The following COG5 variants were observed in gnomAD, a reference collection of about 807,000 sequenced individuals.
COG5 encodes component of oligomeric golgi complex 5, also known as conserved oligomeric Golgi complex subunit 5.
COG5 carries 86 observed loss-of-function variants against 110.4 expected under a neutral mutation model. The ratio of observed to expected loss-of-function variants is 0.78; its 90% CI spans 0.65 to 0.93. The LOEUF (loss-of-function observed/expected upper bound fraction) is 0.93, where lower values mean the gene tolerates loss of function less well. Among genes scored for constraint, COG5 ranks in the 40% least tolerant of loss-of-function variants. The probability of loss-of-function intolerance (pLI) is 0.00; values close to 1 mark genes in which losing one functional copy is unlikely to be tolerated. For synonymous variants in COG5, 360 were observed against 334.6 expected, an observed-to-expected ratio of 1.08 and a Z score of -0.83; for missense variants, 1,077 against 987.0, an observed-to-expected ratio of 1.09 and a Z score of -1.22.
At chr7:107,354,166 A>G (rs1388392047) in intron 10 of COG5, among the ~76,000 whole-genome samples, 1 of 152,214 alleles carries the variant, frequency 6.6e-6, no homozygotes, top group Admixed American at 6.5e-5. Context: ...AAAGTGAGAC[A>G]TATGATTTGA....
At chr7:107,337,678 G>A (rs1424626311) in intron 10 of COG5, among the ~76,000 whole-genome samples, 1 of 152,014 alleles carries the variant, frequency 6.6e-6, no homozygotes, top group Non-Finnish European at 1.5e-5. Context: ...GAGAAAGTGG[G>A]GGTTGGTAAA....
At chr7:107,481,928 C>T (rs1309918804) in intron 6 of COG5, among the ~76,000 whole-genome samples, 1 of 152,112 alleles carries the variant, frequency 6.6e-6, no homozygotes, top group Non-Finnish European at 1.5e-5. Flanking sequence ...CTGATACATA[C>T]TGACTGGTAA....
At position 107,474,542 on chromosome 7, in the gene COG5, T is replaced by G. The variant is rs777636418; in HGVS notation, c.538+52695A>C. 2 of 1,611,594 alleles carry G rather than the reference T, an allele frequency of 1.2e-6. No homozygotes were observed. Among genetic ancestry groups the G allele is most frequent in the Non-Finnish European group, 8.5e-7 (1 of 1,178,240 alleles). ...ACAATGGGCAGAGCTGTAATGTTAA[T>G]GATATCCATTTGGATTTTTTCTTTT... On this transcript the variant is annotated intron_variant, in intron 6 of 21. Transcript: ENST00000297135. This position sits in a 1 kb window ranked among gnomAD's most constrained non-coding sequence, Gnocchi z 5.7.
intron 7 of COG5, among the ~76,000 whole-genome samples, chr7:107,390,833 G>A (rs993150567): frequency 1.3e-5 from 2 of 150,786 alleles, no homozygotes; most frequent in Non-Finnish European, 2.9e-5. Flanking sequence ...AATCAATAAG[G>A]CTTGATACAG....
At chr7:107,219,375 T>A (rs1584534427) in intron 19 of COG5, among the ~76,000 whole-genome samples, 1 of 152,164 alleles carries the variant, frequency 6.6e-6, no homozygotes, top group African/African-American at 2.4e-5. Context: ...GTTGAACAGA[T>A]AGCGCACTTC....
chr7:107,329,281 T>G (rs1810035235), intron 10 of COG5, among the ~76,000 whole-genome samples: 1 of 152,100 alleles, frequency 6.6e-6, no homozygotes, highest in Non-Finnish European at 1.5e-5. Context: ...ACATAGCTGT[T>G]GGAACAAGAA....
chr7:107,486,509 C>T (rs1328359114), intron 6 of COG5, among the ~76,000 whole-genome samples: 1 of 151,902 alleles, frequency 6.6e-6, no homozygotes. Context: ...CTCAAAGACA[C>T]AGTCTTGGAA....
chr7:107,369,805 G>T (rs1813964828), intron 8 of COG5, among the ~76,000 whole-genome samples: 1 of 152,138 alleles, frequency 6.6e-6, no homozygotes, highest in African/African-American at 2.4e-5. Flanking sequence ...ATAAAATTGA[G>T]TAAAGTGAAT....
At chr7:107,225,609 G>A (rs1435313045) in intron 19 of COG5, among the ~76,000 whole-genome samples, 2 of 152,144 alleles carry the variant, frequency 1.3e-5, no homozygotes. Context: ...TGACCTCCCT[G>A]AGCTCAGGTC....
chr7:107,507,469 A>ATTTTTTTTTT (rs10577186), intron 6 of COG5, among the ~76,000 whole-genome samples: 1 of 114,074 alleles, frequency 8.8e-6, no homozygotes, highest in African/African-American at 3.2e-5. Context: ...AATTTTTTGT[A>ATTTTTTTTTT]TTTTTTTTTT....
chr7:107,463,510 G>C (rs1193691804), intron 6 of COG5, among the ~76,000 whole-genome samples: 3 of 152,180 alleles, frequency 2.0e-5, no homozygotes, highest in Non-Finnish European at 2.9e-5. Context: ...CTCTAAATCT[G>C]TAAGTATTCA....
intron 12 of COG5, among the ~76,000 whole-genome samples, chr7:107,286,047 T>C (rs966142034): frequency 2.0e-5 from 3 of 152,110 alleles, no homozygotes; most frequent in Admixed American, 6.6e-5. Context: ...CATCCGATTT[T>C]AGATAGGATG....
intron 1 of COG5, among the ~76,000 whole-genome samples, chr7:107,562,432 C>T (rs189049000): frequency 1.3e-5 from 2 of 152,244 alleles, no homozygotes; most frequent in Admixed American, 1.3e-4. Context: ...TTCCAACCCC[C>T]AGTTATCATT....
intron 7 of COG5, among the ~76,000 whole-genome samples, chr7:107,375,265 C>T (rs912807463): frequency 2.6e-5 from 4 of 151,928 alleles, no homozygotes; most frequent in Admixed American, 2.6e-4. Flanking sequence ...TTTATCCATC[C>T]TACTGTTGAT....
chr7:107,464,711 G>T (rs1796195836), intron 6 of COG5, among the ~76,000 whole-genome samples: 1 of 152,140 alleles, frequency 6.6e-6, no homozygotes, highest in African/African-American at 2.4e-5. Flanking sequence ...AACATAAGAT[G>T]TAAGATGCCT....
chr7:107,409,528 T>C (rs187257100), intron 7 of COG5, among the ~76,000 whole-genome samples: 22 of 151,788 alleles, frequency 1.4e-4, no homozygotes, highest in African/African-American at 5.4e-4. Flanking sequence ...TAGTTTGAAG[T>C]AAACAGACTA....
chr7:107,557,943 A>C lies in COG5; in HGVS notation c.234+33T>G. On this transcript the variant is annotated intron_variant, in intron 2 of 21. Transcript: ENST00000297135. The stretch of plus-strand genomic sequence containing the variant: ...ATGCTAAATTATCACTTTAGGCTGA[A>C]TAATCCATAGGGACCCAGAAGATCA... 4 of 1,612,786 alleles carry C rather than the reference A, an allele frequency of 2.5e-6. No individual in the cohort carries two copies. The South Asian group carries it at 4.4e-5, about 18-fold the overall frequency.
In COG5 at chr7:107,239,117, T is replaced by G. The variant is rs578227332; in HGVS notation, c.1854-2430A>C. 8.5e-5 allele frequency among the ~76,000 whole-genome samples: 13 copies of G among 152,372 alleles called. No homozygotes were observed. The South Asian group carries it at 2.7e-3, about 32-fold the overall frequency. On this transcript the variant is annotated intron_variant, in intron 17 of 21. Coordinates refer to ENST00000297135, the MANE Select transcript of COG5 (RefSeq NM_006348.5). ...AGGTGTTACATTTAAGTTCTTAATC[T>G]ATTTTCATTTGATTTTCACATATGG...
At chr7:107,525,440 A>G (rs779301126) in intron 6 of COG5, among the ~76,000 whole-genome samples, 1 of 152,206 alleles carries the variant, frequency 6.6e-6, no homozygotes, top group Non-Finnish European at 1.5e-5. Context: ...GTTGGTGCAC[A>G]GATATTAAAT....
Sources: allele counts gnomAD v4.1 joint callset (sites outside exome capture counted in the v4.1 genomes callset), GRCh38; gene constraint gnomAD v4.1.1; non-coding constraint Gnocchi (gnomAD v3.1); transcripts MANE v1.5; gene names NCBI Gene and HGNC (gene_info 2026-07-23, HGNC 2026-07-21).